KCNIP4: variants seen among roughly 807,000 people sequenced by gnomAD.
The protein encoded by KCNIP4 is Kv channel-interacting protein 4.
In KCNIP4, 12 loss-of-function variants were observed where a neutral mutation model predicts 34.0. The observed-to-expected ratio is 0.35, with a 90% CI of 0.23 to 0.57. The LOEUF (loss-of-function observed/expected upper bound fraction) is 0.57. KCNIP4 is among the 20% of genes least tolerant of loss of function. The pLI, the probability that KCNIP4 is intolerant of heterozygous loss-of-function variation, is 0.83. For synonymous variants in KCNIP4, 124 were observed against 102.2 expected (o/e 1.21, Z -1.29); for missense variants, 238 against 311.7 (o/e 0.76, Z 1.78).
intron 1 of KCNIP4, among the ~76,000 whole-genome samples, chr4:21,911,604 T>TCACA (rs149500330): frequency 3.0e-3 from 386 of 129,978 alleles, no homozygotes; most frequent in African/African-American, 0.01. Context: ...GAATTGATAT[T>TCACA]CACACACACA....
intron 1 of KCNIP4, among the ~76,000 whole-genome samples, chr4:21,609,860 T>C (rs1420554237): frequency 6.6e-6 from 1 of 152,198 alleles, no homozygotes; most frequent in Non-Finnish European, 1.5e-5. Flanking sequence ...CTCACAAATG[T>C]TTGTAAGATA....
At chr4:21,556,944 CCAG>C (rs1739116227) in intron 1 of KCNIP4, among the ~76,000 whole-genome samples, 5 of 98,238 alleles carry the variant, frequency 5.1e-5, no homozygotes, top group Admixed American at 9.9e-5. Flanking sequence ...AAAAAAAAAA[CCAG>C]AAAACAAAAA....
chr4:20,728,895 G>GCAA lies in KCNIP4; in HGVS notation c.*1184_*1186dup. Reference sequence around the variant, plus strand: ...CGATGTGTGTGGCTTTAGTAATGTGGCAACTTTACAGTTTTGGCTAAGATG... The same window carrying GCAA: ...CGATGTGTGTGGCTTTAGTAATGTGGCAACAACTTTACAGTTTTGGCTAAGATG... On this transcript the variant is annotated 3_prime_UTR_variant, in exon 9 of 9. Coordinates refer to ENST00000382152, the MANE Select transcript of KCNIP4 (RefSeq NM_025221.6). The GCAA allele has an allele frequency of 6.6e-6, 1 of 151,036 alleles. No homozygotes were observed. Among genetic ancestry groups the GCAA allele is most frequent in the East Asian group, 1.9e-4 (1 of 5,160 alleles). The allele number at this position is 151,036 out of a possible 1,614,324, so 9.4% of individuals were successfully genotyped here.
chr4:21,065,744 A>ATATATATATATATATG (rs1744310991), intron 1 of KCNIP4, among the ~76,000 whole-genome samples: 4 of 142,426 alleles, frequency 2.8e-5, no homozygotes. Context: ...ATATATATAT[A>ATATATATATATATATG]TATATATATA....
At chr4:21,277,788 G>A (rs1012497934) in intron 1 of KCNIP4, among the ~76,000 whole-genome samples, 2 of 152,120 alleles carry the variant, frequency 1.3e-5, no homozygotes, top group East Asian at 1.9e-4. Context: ...GAAGCATTAG[G>A]CCGTCAGATT....
At chr4:21,079,743 A>C (rs1577655597) in intron 1 of KCNIP4, among the ~76,000 whole-genome samples, 1 of 151,990 alleles carries the variant, frequency 6.6e-6, no homozygotes, top group East Asian at 1.9e-4. Context: ...AAATCAGTTC[A>C]GTGTAACCAT....
intron 1 of KCNIP4, among the ~76,000 whole-genome samples, chr4:21,485,193 T>G (rs1052984397): frequency 1.3e-5 from 2 of 152,182 alleles, no homozygotes; most frequent in African/African-American, 2.4e-5. Flanking sequence ...ACTGCAACAT[T>G]AAGTTTTGTG....
At chr4:21,251,720 G>C (rs544043178) in intron 1 of KCNIP4, among the ~76,000 whole-genome samples, 1 of 152,144 alleles carries the variant, frequency 6.6e-6, no homozygotes, top group African/African-American at 2.4e-5. Context: ...TAGGGACATG[G>C]ATGAAATTGG....
intron 1 of KCNIP4, chr4:21,697,315 C>CT (rs1491189291): frequency 1.2e-6 from 1 of 805,590 alleles, no homozygotes; most frequent in South Asian, 2.1e-5. Flanking sequence ...CTAGCCTCTA[C>CT]TAAAAAAAAA....
chr4:21,673,691 T>C (rs1403663528), intron 1 of KCNIP4, among the ~76,000 whole-genome samples: 2 of 152,194 alleles, frequency 1.3e-5, no homozygotes, highest in Non-Finnish European at 2.9e-5. Context: ...TTGAATCAAC[T>C]ATACTACCGT....
intron 1 of KCNIP4, among the ~76,000 whole-genome samples, chr4:21,498,686 T>C (rs1733051960): frequency 6.6e-6 from 1 of 152,188 alleles, no homozygotes; most frequent in Non-Finnish European, 1.5e-5. Flanking sequence ...TTTTCACTTC[T>C]TAGTCTCTTG....
intron 1 of KCNIP4, among the ~76,000 whole-genome samples, chr4:21,118,498 A>G (rs750498927): frequency 1.3e-5 from 2 of 152,198 alleles, no homozygotes; most frequent in Admixed American, 6.5e-5. Context: ...CCCATTTTGC[A>G]TTATAAAACT....
intron 1 of KCNIP4, among the ~76,000 whole-genome samples, chr4:21,647,337 T>C (rs1027577891): frequency 8.5e-5 from 13 of 152,268 alleles, no homozygotes; most frequent in African/African-American, 3.1e-4. Flanking sequence ...AATAGCGAAC[T>C]TGTCATAACA....
rs139789689 is a variant in KCNIP4 at position 21,101,825 on chromosome 4, G to A, written c.62-219116C>T. On this transcript the variant is annotated intron_variant, in intron 1 of 8. Transcript: ENST00000382152. The stretch of plus-strand genomic sequence containing the variant: ...AACCTATTATCTATAGACAACACAT[G>A]ACTCAGATTACAGAGGGAACAGGTC... 3.9e-5 allele frequency among the ~76,000 whole-genome samples: 6 copies of A among 152,266 alleles called. No homozygotes were observed. In the East Asian group the frequency reaches 1.2e-3, roughly 29 times the overall value.
chr4:20,778,582 G>T (rs924394001), intron 3 of KCNIP4, among the ~76,000 whole-genome samples: 1 of 152,150 alleles, frequency 6.6e-6, no homozygotes, highest in Non-Finnish European at 1.5e-5. Flanking sequence ...TACTACTGGG[G>T]GAAATGGTAC....
intron 1 of KCNIP4, among the ~76,000 whole-genome samples, chr4:21,181,712 C>G (rs1754856313): frequency 6.6e-6 from 1 of 152,120 alleles, no homozygotes; most frequent in Non-Finnish European, 1.5e-5. Context: ...AAACAGTCTC[C>G]TCTTTGACAA....
chr4:20,919,702 CAA>C lies in KCNIP4; in HGVS notation c.62-36995_62-36994del, dbSNP rs573617142. On this transcript the variant is annotated intron_variant, in intron 1 of 8. Coordinates refer to ENST00000382152, the MANE Select transcript of KCNIP4 (RefSeq NM_025221.6). ...TGGGCAACAGAGTGAGACTCCGTCT[CAA>C]AAAAAAAAAAAAAAAAAAAGATAAA... 6.5e-4 allele frequency among the ~76,000 whole-genome samples: 37 copies of C among 57,266 alleles called. No individual in the cohort carries two copies. In the South Asian group the frequency reaches 0.011, roughly 17 times the overall value. 37.6% of individuals were successfully genotyped at this position (57,266 alleles called of 152,430 possible). A position where few individuals can be genotyped will look rare whatever the true frequency, so the allele number is the denominator to read the frequency against.
At chr4:21,414,227 A>T (rs1724754901) in intron 1 of KCNIP4, among the ~76,000 whole-genome samples, 1 of 152,226 alleles carries the variant, frequency 6.6e-6, no homozygotes, top group Admixed American at 6.5e-5. Context: ...TCTCAATGAG[A>T]TGGTGACAAC....
chr4:21,291,808 C>A (rs1302354179), intron 1 of KCNIP4, among the ~76,000 whole-genome samples: 3 of 143,064 alleles, frequency 2.1e-5, no homozygotes, highest in African/African-American at 7.8e-5. Flanking sequence ...GAGTCAAGAT[C>A]GCGCCGCTGC....
Sources: gnomAD v4.1 joint callset for allele counts (sites outside exome capture counted in the v4.1 genomes callset) on GRCh38, gnomAD v4.1.1 for gene constraint, MANE v1.5 for transcripts, NCBI Gene and HGNC (gene_info 2026-07-23, HGNC 2026-07-21) for gene names.